The following FOXP1 variants were observed in gnomAD, a reference collection of about 807,000 sequenced individuals.
FOXP1 encodes forkhead box protein P1.
Under a neutral mutation model 98.2 loss-of-function variants are expected in FOXP1, and 15 were observed. The observed-to-expected ratio is 0.15, with a 90% CI of 0.10 to 0.24. The LOEUF (loss-of-function observed/expected upper bound fraction) is 0.24, where lower values mean the gene tolerates loss of function less well. FOXP1 is among the 10% of genes least tolerant of loss of function. The pLI is 1.00. For synonymous variants in FOXP1, 371 were observed against 314.5 expected, an observed-to-expected ratio of 1.18 and a Z score of -1.90; for missense variants, 633 against 848.5, an observed-to-expected ratio of 0.75 and a Z score of 3.15.
chr3:71,331,899 G>A (rs2076341803), intron 4 of FOXP1, among the ~76,000 whole-genome samples: 1 of 152,062 alleles, frequency 6.6e-6, no homozygotes, highest in Non-Finnish European at 1.5e-5. Flanking sequence ...GTGGGGAGGT[G>A]GAGAACTTTT....
At chr3:70,974,294 G>A (rs2037020328) in intron 17 of FOXP1, among the ~76,000 whole-genome samples, 1 of 151,356 alleles carries the variant, frequency 6.6e-6, no homozygotes, top group Non-Finnish European at 1.5e-5. Context: ...GTCTAAATAA[G>A]CAGTTTTTTT....
At chr3:71,489,711 G>A (rs985334838) in intron 3 of FOXP1, among the ~76,000 whole-genome samples, 1 of 152,136 alleles carries the variant, frequency 6.6e-6, no homozygotes, top group Admixed American at 6.5e-5. Flanking sequence ...AGAGAGATAC[G>A]AAGTGCTCAG....
chr3:71,510,237 C>T (rs1377962047), intron 2 of FOXP1, among the ~76,000 whole-genome samples: 1 of 151,844 alleles, frequency 6.6e-6, no homozygotes, highest in African/African-American at 2.4e-5. Context: ...TCCTGTAATC[C>T]CAGCACTTTG....
At chr3:71,541,722 A>G (rs191812601) in intron 2 of FOXP1, among the ~76,000 whole-genome samples, 23 of 152,340 alleles carry the variant, frequency 1.5e-4, no homozygotes, top group Non-Finnish European at 3.1e-4. Context: ...ACTGAACACA[A>G]TGTTGCCTCT....
chr3:70,965,878 G>C lies in FOXP1; in HGVS notation c.1889+12C>G, dbSNP rs2107010828. 6.2e-7 allele frequency: 1 copy of C among 1,613,366 alleles called. No homozygotes were observed. Among genetic ancestry groups the C allele is most frequent in the South Asian group, 1.1e-5 (1 of 91,028 alleles). On this transcript the variant is annotated intron_variant, in intron 20 of 20. Coordinates refer to ENST00000649528, the MANE Select transcript of FOXP1 (RefSeq NM_001349338.3). ...TCAGATAGCAAAGACCTGTTGGGTGGACAATACTCACACGGCTTGCATAGG... is the reference window on the plus strand; with the variant it reads ...TCAGATAGCAAAGACCTGTTGGGTGCACAATACTCACACGGCTTGCATAGG...
chr3:71,204,489 T>C (rs1212845231), intron 5 of FOXP1, among the ~76,000 whole-genome samples: 1 of 152,038 alleles, frequency 6.6e-6, no homozygotes, highest in Non-Finnish European at 1.5e-5. Context: ...GCAATGGAAA[T>C]CCCAGATGAA....
intron 3 of FOXP1, among the ~76,000 whole-genome samples, chr3:71,423,621 T>C (rs1008230199): frequency 2.0e-5 from 3 of 152,198 alleles, no homozygotes; most frequent in Admixed American, 1.3e-4. Flanking sequence ...TCATAGGCCA[T>C]AGAACCAGAA....
chr3:71,306,501 G>C (rs1455159845), intron 4 of FOXP1, among the ~76,000 whole-genome samples: 1 of 149,746 alleles, frequency 6.7e-6, no homozygotes. Context: ...TTGTGACTCT[G>C]TACCTACAAA....
intron 2 of FOXP1, among the ~76,000 whole-genome samples, chr3:71,504,863 C>T (rs2107239376): frequency 6.6e-6 from 1 of 152,310 alleles, no homozygotes; most frequent in South Asian, 2.1e-4. Flanking sequence ...AGTTCTAACA[C>T]CAACTAACAT....
chr3:71,397,989 G>A (rs1268816150), intron 3 of FOXP1, among the ~76,000 whole-genome samples: 1 of 152,098 alleles, frequency 6.6e-6, no homozygotes, highest in African/African-American at 2.4e-5. Flanking sequence ...GGAGAGGAAG[G>A]AAGGAAAACC....
At chr3:71,046,500 T>G (rs1055106106) in intron 10 of FOXP1, among the ~76,000 whole-genome samples, 1 of 152,188 alleles carries the variant, frequency 6.6e-6, no homozygotes, top group Non-Finnish European at 1.5e-5. Context: ...AAACCTGAAT[T>G]TATCCCTAGA....
At position 71,220,744 on chromosome 3, in the gene FOXP1, C is replaced by T. The variant is rs1195724661; in HGVS notation, c.-11-22352G>A. Among the ~76,000 whole-genome samples, 4 of 113,952 alleles carry T rather than the reference C, an allele frequency of 3.5e-5. No homozygotes were observed. The East Asian group carries it at 9.1e-4, about 26-fold the overall frequency. 74.8% of individuals were successfully genotyped at this position (113,952 alleles called of 152,430 possible). A position where few individuals can be genotyped will look rare whatever the true frequency, so the allele number is the denominator to read the frequency against. ...ATCCAACCTGGGTGACTGAGTGAGACCCTGTCTCAAAATAAAATAAAATAA... is the reference window on the plus strand; with the variant it reads ...ATCCAACCTGGGTGACTGAGTGAGATCCTGTCTCAAAATAAAATAAAATAA... On this transcript the variant is annotated intron_variant, in intron 5 of 20. Transcript: ENST00000649528.
chr3:71,142,462 G>A (rs1054668785), intron 6 of FOXP1, among the ~76,000 whole-genome samples: 4 of 152,226 alleles, frequency 2.6e-5, no homozygotes, highest in Non-Finnish European at 5.9e-5. Context: ...TTCAATTGGA[G>A]TTTAGAGCCC....
intron 2 of FOXP1, among the ~76,000 whole-genome samples, chr3:71,551,854 A>G (rs2045805706): frequency 6.6e-6 from 1 of 152,226 alleles, no homozygotes; most frequent in Non-Finnish European, 1.5e-5. Flanking sequence ...GGAATATACT[A>G]TTAAAGCAAA....
chr3:71,376,109 C>T lies in FOXP1; in HGVS notation c.-167-16865G>A, dbSNP rs146050006. ...TTAAGAGAGATGAAATCCCCACAAG[C>T]ATCTATTTCAAAGATTACATCAAAT... On this transcript the variant is annotated intron_variant, in intron 3 of 20. Coordinates refer to ENST00000649528, the MANE Select transcript of FOXP1 (RefSeq NM_001349338.3). 1.5e-4 allele frequency among the ~76,000 whole-genome samples: 23 copies of T among 152,230 alleles called. No individual in the cohort carries two copies. In the East Asian group the frequency reaches 4.4e-3, roughly 29 times the overall value.
Position 70,991,104 on chromosome 3 carries a change from A to T in FOXP1, c.1063-3027T>A, listed in dbSNP as rs576941069. Among the ~76,000 whole-genome samples the T allele has an allele frequency of 1.5e-4, 23 of 148,524 alleles. No individual in the cohort carries two copies. The South Asian group carries it at 4.2e-3, about 27-fold the overall frequency. ...GAAATCGGTCCAGTGTATTTAAACT[A>T]CTGGCTGAGTATATGTTTGAAATCT... On this transcript the variant is annotated intron_variant, in intron 13 of 20. Coordinates refer to ENST00000649528, the MANE Select transcript of FOXP1 (RefSeq NM_001349338.3).
intron 19 of FOXP1, chr3:70,970,465 A>G: frequency 2.2e-6 from 1 of 462,816 alleles, no homozygotes; most frequent in Non-Finnish European, 4.0e-6. Flanking sequence ...GAAATTCTGA[A>G]ATAAGAGGAT....
chr3:71,298,146 T>C (rs1170464228), intron 5 of FOXP1, among the ~76,000 whole-genome samples: 1 of 152,152 alleles, frequency 6.6e-6, no homozygotes, highest in Non-Finnish European at 1.5e-5. Context: ...AGACCCTTGA[T>C]ATAGATTAAT....
At chr3:71,548,292 T>TAC (rs911399984) in intron 2 of FOXP1, among the ~76,000 whole-genome samples, 10 of 152,092 alleles carry the variant, frequency 6.6e-5, no homozygotes, top group African/African-American at 2.4e-4. Flanking sequence ...CATACACAAA[T>TAC]ACACACACAC....
Sources: gnomAD v4.1 joint callset for allele counts (sites outside exome capture counted in the v4.1 genomes callset) on GRCh38, gnomAD v4.1.1 for gene constraint, MANE v1.5 for transcripts, NCBI Gene and HGNC (gene_info 2026-07-23, HGNC 2026-07-21) for gene names.